Variants in ABLIM2 observed in about 807,000 individuals in gnomAD.
The protein encoded by ABLIM2 is actin-binding LIM protein 2.
A neutral mutation model predicts 97.7 loss-of-function variants in ABLIM2; 53 were observed. The ratio of observed to expected loss-of-function variants is 0.54; its 90% CI spans 0.44 to 0.68. The LOEUF (loss-of-function observed/expected upper bound fraction) is 0.68, where lower values mean the gene tolerates loss of function less well. ABLIM2 is among the 30% of genes least tolerant of loss of function. The pLI, the probability that ABLIM2 is intolerant of heterozygous loss-of-function variation, is 0.00. For synonymous variants in ABLIM2, 361 were observed against 345.8 expected (o/e 1.04, Z -0.49); for missense variants, 835 against 867.2 (o/e 0.96, Z 0.47).
chr4:8,061,998 G>A lies in ABLIM2; in HGVS notation c.676-944C>T, dbSNP rs1580202942. Reference sequence around the variant, plus strand: ...TTTTCTCCTGCGCAGAGCCTGGTGTGGCCTCCTCTGCCAACCTCCGGGCCA... The same window carrying A: ...TTTTCTCCTGCGCAGAGCCTGGTGTAGCCTCCTCTGCCAACCTCCGGGCCA... On this transcript the variant is annotated intron_variant, in intron 6 of 20. Coordinates refer to ENST00000447017, the MANE Select transcript of ABLIM2 (RefSeq NM_001130083.2). This position sits in a 1 kb window ranked among gnomAD's most constrained non-coding sequence, Gnocchi z 4.5. Among the ~76,000 whole-genome samples the A allele has an allele frequency of 6.6e-6, 1 of 151,828 alleles. No homozygotes were observed. Among genetic ancestry groups the A allele is most frequent in the African/African-American group, 2.4e-5 (1 of 41,336 alleles).
Position 8,005,490 on chromosome 4 carries a change from A to G in ABLIM2, c.1618+2569T>C. ...CTTTGTTCAGTAAAAGCTGTGTGCA[A>G]ATGGAACTGGTGCCCACGGACTCAG... On this transcript the variant is annotated intron_variant, in intron 16 of 20. Coordinates refer to ENST00000447017, the MANE Select transcript of ABLIM2 (RefSeq NM_001130083.2). This position sits in a 1 kb window ranked among gnomAD's most constrained non-coding sequence, Gnocchi z 4.9. 1.9e-6 allele frequency: 1 copy of G among 525,392 alleles called. No individual in the cohort carries two copies. Among genetic ancestry groups the G allele is most frequent in the Admixed American group, 1.9e-5 (1 of 51,570 alleles). 32.5% of individuals were successfully genotyped at this position (525,392 alleles called of 1,614,324 possible).
chr4:8,136,341 G>C (rs1169808029), intron 1 of ABLIM2, among the ~76,000 whole-genome samples: 1 of 152,246 alleles, frequency 6.6e-6, no homozygotes, highest in Non-Finnish European at 1.5e-5. Context: ...AGAGGGTCCT[G>C]TGGATGGATG....
chr4:7,999,669 GA>G lies in ABLIM2; in HGVS notation c.1619-6743del, dbSNP rs1235118415. On this transcript the variant is annotated intron_variant, in intron 16 of 20. Coordinates refer to ENST00000447017, the MANE Select transcript of ABLIM2 (RefSeq NM_001130083.2). The surrounding 1 kb of genome is among the most constrained non-coding windows in gnomAD (Gnocchi z 4.4). ...CAAGAGGCGGGGTGTGTGTAGTACA[GA>G]GAGAGACCCACAGGGAGAAGGCAGG... Among the ~76,000 whole-genome samples, 1 of 152,194 alleles carries G rather than the reference GA, an allele frequency of 6.6e-6. No homozygotes were observed. The highest frequency in any genetic ancestry group is 1.5e-5 in the Non-Finnish European group (1 of 68,038).
At chr4:8,079,824 C>T (rs553814050) in intron 5 of ABLIM2, among the ~76,000 whole-genome samples, 2 of 152,326 alleles carry the variant, frequency 1.3e-5, no homozygotes, top group East Asian at 1.9e-4. Context: ...TTTTCATCCC[C>T]ATCAATTCCT....
chr4:8,131,139 T>C (rs1192260898), intron 1 of ABLIM2, among the ~76,000 whole-genome samples: 18 of 152,208 alleles, frequency 1.2e-4, no homozygotes, highest in Non-Finnish European at 2.1e-4. Context: ...TAAGCCCATC[T>C]GTAAAGACCC....
At chr4:8,012,094 C>G (rs1765292012) in intron 14 of ABLIM2, among the ~76,000 whole-genome samples, 1 of 151,150 alleles carries the variant, frequency 6.6e-6, no homozygotes, top group Non-Finnish European at 1.5e-5. Context: ...CACCCATCAT[C>G]CATCTGCCCA....
chr4:8,012,411 T>G (rs1414819600), intron 14 of ABLIM2, among the ~76,000 whole-genome samples: 1 of 149,512 alleles, frequency 6.7e-6, no homozygotes, highest in Non-Finnish European at 1.5e-5. Context: ...ATCTGTCCAT[T>G]CATACATTCA....
chr4:8,034,266 G>C (rs185628440), intron 10 of ABLIM2, among the ~76,000 whole-genome samples: 49 of 150,908 alleles, frequency 3.2e-4, no homozygotes, highest in Non-Finnish European at 5.8e-4. Flanking sequence ...GGGTGCAGTG[G>C]GTGGGTGCAG....
chr4:8,036,541 C>T (rs995788111), intron 9 of ABLIM2, among the ~76,000 whole-genome samples: 1 of 152,176 alleles, frequency 6.6e-6, no homozygotes, highest in African/African-American at 2.4e-5. Context: ...CTGAGCTCAC[C>T]CCCAGCTCCT....
intron 8 of ABLIM2, among the ~76,000 whole-genome samples, chr4:8,045,861 C>T (rs940189319): frequency 2.0e-5 from 3 of 152,100 alleles, no homozygotes; most frequent in African/African-American, 7.2e-5. Context: ...TGGGGACTCG[C>T]TGCAGCTTAG....
intron 9 of ABLIM2, among the ~76,000 whole-genome samples, chr4:8,039,433 C>T (rs774484057): frequency 3.9e-5 from 6 of 152,124 alleles, no homozygotes; most frequent in African/African-American, 9.7e-5. Flanking sequence ...AGCCCCTGCC[C>T]GACCCCTCAG....
chr4:8,022,418 C>A lies in ABLIM2; in HGVS notation c.1268-2115G>T, dbSNP rs560261532. On this transcript the variant is annotated intron_variant, in intron 12 of 20. Transcript: ENST00000447017. This position sits in a 1 kb window ranked among gnomAD's most constrained non-coding sequence, Gnocchi z 7.8. Reference sequence around the variant, plus strand: ...TGTGCACGTCTATTTGAGGAGGGTCCGGAGACTCATCAGCTTTCATCAGAT... The same window carrying A: ...TGTGCACGTCTATTTGAGGAGGGTCAGGAGACTCATCAGCTTTCATCAGAT... 6.6e-6 allele frequency among the ~76,000 whole-genome samples: 1 copy of A among 152,190 alleles called. No individual in the cohort carries two copies. The highest frequency in any genetic ancestry group is 1.5e-5 in the Non-Finnish European group (1 of 68,018).
At chr4:8,027,673 C>T (rs1778262939) in intron 12 of ABLIM2, 86 bp downstream of exon 12, 2 of 1,115,352 alleles carry the variant, frequency 1.8e-6, no homozygotes. Flanking sequence ...CCGGTGAAGC[C>T]ATGCGGCAGA....
chr4:8,000,874 C>A (rs914386860), intron 16 of ABLIM2, among the ~76,000 whole-genome samples: 2 of 152,152 alleles, frequency 1.3e-5, no homozygotes, highest in African/African-American at 4.8e-5. Flanking sequence ...CTGTTCTCTG[C>A]GGGTCTGTCC....
At chr4:8,053,651 T>C (rs1048664278) in intron 8 of ABLIM2, among the ~76,000 whole-genome samples, 15 of 152,196 alleles carry the variant, frequency 9.9e-5, no homozygotes, top group Admixed American at 4.6e-4. Context: ...CTCTTTGCTA[T>C]GTACACTCCA....
intron 3 of ABLIM2, among the ~76,000 whole-genome samples, chr4:8,094,317 C>G (rs1396592836): frequency 6.6e-6 from 1 of 152,178 alleles, no homozygotes; most frequent in Non-Finnish European, 1.5e-5. Context: ...GCAGGACAAG[C>G]CACAGACAAA....
chr4:8,029,077 G>A (rs1378819083), intron 11 of ABLIM2, among the ~76,000 whole-genome samples: 1 of 149,544 alleles, frequency 6.7e-6, no homozygotes, highest in African/African-American at 2.4e-5. Context: ...CTGGGCGCCA[G>A]GCAGGGGACA....
At chr4:7,984,426 A>G (rs1741682400) in intron 18 of ABLIM2, among the ~76,000 whole-genome samples, 1 of 152,186 alleles carries the variant, frequency 6.6e-6, no homozygotes, top group Admixed American at 6.5e-5. Flanking sequence ...TGGTAACACA[A>G]ACCTCCTAGT....
Position 8,083,177 on chromosome 4 carries a change from G to A in ABLIM2, c.455-2375C>T, listed in dbSNP as rs1162438486. Among the ~76,000 whole-genome samples the A allele has an allele frequency of 6.6e-6, 1 of 152,170 alleles. No individual in the cohort carries two copies. The highest frequency in any genetic ancestry group is 1.5e-5 in the Non-Finnish European group (1 of 68,036). On this transcript the variant is annotated intron_variant, in intron 4 of 20. Transcript: ENST00000447017. The surrounding 1 kb of genome is among the most constrained non-coding windows in gnomAD (Gnocchi z 4.6). Reference sequence around the variant, plus strand: ...GTTGGCTTCTCTGCATGTCAAGGGAGCACAGCACATGGGGCTGTGTGTCGA... The same window carrying A: ...GTTGGCTTCTCTGCATGTCAAGGGAACACAGCACATGGGGCTGTGTGTCGA...
Sources: gnomAD v4.1 joint callset for allele counts (sites outside exome capture counted in the v4.1 genomes callset) on GRCh38, gnomAD v4.1.1 for gene constraint, Gnocchi (gnomAD v3.1) non-coding constraint, MANE v1.5 for transcripts, NCBI Gene and HGNC (gene_info 2026-07-23, HGNC 2026-07-21) for gene names.